GPBP1: variants seen among roughly 807,000 people sequenced by gnomAD.
GPBP1 encodes vasculin.
A neutral mutation model predicts 56.5 loss-of-function variants in GPBP1; 13 were observed. The observed-to-expected ratio is 0.23, with a 90% CI of 0.15 to 0.37. The LOEUF (loss-of-function observed/expected upper bound fraction) is 0.37. Ranked by LOEUF, GPBP1 falls within the 10% of genes least tolerant of loss-of-function variation. The pLI is 1.00. For missense variants in GPBP1, 477 were observed against 572.3 expected (o/e 0.83, Z 1.70); for synonymous variants, 204 against 188.9 (o/e 1.08, Z -0.66).
chr5:57,193,734 A>T (rs1402810960), intron 2 of GPBP1, among the ~76,000 whole-genome samples: 1 of 151,736 alleles, frequency 6.6e-6, no homozygotes, highest in Non-Finnish European at 1.5e-5. Flanking sequence ...TGTGCTTGGG[A>T]TGATTGGTCT....
intron 2 of GPBP1, among the ~76,000 whole-genome samples, chr5:57,204,526 A>G (rs1441763194): frequency 6.6e-6 from 1 of 152,206 alleles, no homozygotes; most frequent in Non-Finnish European, 1.5e-5. Flanking sequence ...TGCTGGGATT[A>G]TAGGCATGAG....
At chr5:57,179,269 G>A (rs1433484599) in intron 2 of GPBP1, among the ~76,000 whole-genome samples, 1 of 152,170 alleles carries the variant, frequency 6.6e-6, no homozygotes, top group Non-Finnish European at 1.5e-5. Context: ...TGCTAATGGA[G>A]TTTGGAAATA....
In GPBP1 at chr5:57,220,119, T is replaced by A. The variant is rs1235666934; in HGVS notation, c.63+5926T>A. Among the ~76,000 whole-genome samples, 3 of 151,962 alleles carry A rather than the reference T, an allele frequency of 2.0e-5. No individual in the cohort carries two copies. In the South Asian group the frequency reaches 6.2e-4, roughly 31 times the overall value. ...AAAAGCTTGTAAATACTTGTCTTCA[T>A]TTAAATGTTAACTTGAAGTTAAGAT... is the stretch of plus-strand genomic sequence containing the variant. On this transcript the variant is annotated intron_variant, in intron 3 of 11. Transcript: ENST00000506184.
intron 10 of GPBP1, among the ~76,000 whole-genome samples, chr5:57,254,973 G>A (rs1293158919): frequency 3.3e-5 from 5 of 152,194 alleles, no homozygotes; most frequent in Non-Finnish European, 7.3e-5. Flanking sequence ...ACAGGCTTGA[G>A]TGATGGCTGA....
chr5:57,247,428 T>G (rs1380444374), intron 8 of GPBP1, among the ~76,000 whole-genome samples: 1 of 152,128 alleles, frequency 6.6e-6, no homozygotes, highest in Non-Finnish European at 1.5e-5. Flanking sequence ...CCCAGCTCAT[T>G]CCTATAATCC....
Position 57,230,961 on chromosome 5 carries a change from C to T in GPBP1, c.179C>T (p.Pro60Leu). ...SDGFDSAIGR[P>L]NGGNFGRKEK... is the part of the protein sequence containing the mutation. ...GGCTTTGATTCTGCTATTGGGCGTC[C>T]TAATGGAGGTAAAATTTGCTAAGGA... The change falls in exon 4 of 12, where the codon CCT (proline) becomes CTT (leucine). Residue 60 changes from proline (P) to leucine (L), a missense_variant. This residue lies in a region of GPBP1 where 414 missense variants were observed against 458.2 expected (regional missense o/e 0.90). Coordinates refer to ENST00000506184, the MANE Select transcript of GPBP1 (RefSeq NM_022913.4). 6.2e-7 allele frequency: 1 copy of T among 1,601,908 alleles called. No homozygotes were observed. Among genetic ancestry groups the T allele is most frequent in the East Asian group, 2.2e-5 (1 of 44,672 alleles).
At chr5:57,240,616 T>G (rs1740781284) in intron 6 of GPBP1, among the ~76,000 whole-genome samples, 1 of 152,206 alleles carries the variant, frequency 6.6e-6, no homozygotes, top group Non-Finnish European at 1.5e-5. Flanking sequence ...TTGGGCACAT[T>G]GCTTAATCTG....
At chr5:57,233,645 A>G (rs1047416674) in intron 5 of GPBP1, among the ~76,000 whole-genome samples, 1 of 152,222 alleles carries the variant, frequency 6.6e-6, no homozygotes. Flanking sequence ...CTATTGATTA[A>G]GTGGAAGTGG....
chr5:57,211,990 G>A (rs1755507122), intron 2 of GPBP1, among the ~76,000 whole-genome samples: 1 of 151,784 alleles, frequency 6.6e-6, no homozygotes, highest in Non-Finnish European at 1.5e-5. Flanking sequence ...AGGCTAGAGG[G>A]CAGTGGCGCG....
chr5:57,233,344 C>G (rs910692874), intron 5 of GPBP1, among the ~76,000 whole-genome samples: 3 of 152,052 alleles, frequency 2.0e-5, no homozygotes, highest in African/African-American at 7.2e-5. Context: ...ACTCTGTATT[C>G]TCATGTTAGT....
At position 57,214,213 on chromosome 5, in the gene GPBP1, C is replaced by G. The variant is rs748799470; in HGVS notation, c.63+20C>G. On this transcript the variant is annotated intron_variant, in intron 3 of 11. Coordinates refer to ENST00000506184, the MANE Select transcript of GPBP1 (RefSeq NM_022913.4). ...ACAAAGGTACTCTTTCTGCATCTTTCTTTCTGTCTGCTTCTCTTGCATTCA... is the reference window on the plus strand; with the variant it reads ...ACAAAGGTACTCTTTCTGCATCTTTGTTTCTGTCTGCTTCTCTTGCATTCA... The G allele has an allele frequency of 1.3e-6, 2 of 1,564,926 alleles. No individual in the cohort carries two copies. Among genetic ancestry groups the G allele is most frequent in the South Asian group, 1.1e-5 (1 of 90,120 alleles).
At position 57,247,328 on chromosome 5, in the gene GPBP1, T is replaced by G. The variant is rs1213240761; in HGVS notation, c.804+113T>G. ...AATACATTAAAATGAGTTTCATTCC[T>G]TCAGAAAACTGGATTCATTTACTTC... On this transcript the variant is annotated intron_variant, in intron 8 of 11. Transcript: ENST00000506184. The G allele has an allele frequency of 5.8e-5, 50 of 869,008 alleles. 1 individual carries two copies. Among genetic ancestry groups the G allele is most frequent in the Non-Finnish European group, 8.1e-5 (49 of 604,306 alleles). The allele number at this position is 869,008 out of a possible 1,614,324, so 53.8% of individuals were successfully genotyped here. A position where few individuals can be genotyped will look rare whatever the true frequency, so the allele number is the denominator to read the frequency against.
chr5:57,258,710 G>T (rs747656654), intron 10 of GPBP1, among the ~76,000 whole-genome samples: 1 of 152,012 alleles, frequency 6.6e-6, no homozygotes, highest in Non-Finnish European at 1.5e-5. Flanking sequence ...TTAACTCCTG[G>T]GCTCAAGTGA....
rs1169485737 is a variant in GPBP1, at chr5:57,249,408, G to A, written c.805-1G>A. ...ATCAGTATTTCTGAATTTCCTCTTA[G>A]TGTAATCGCTCAAATTCCTCTTCTC... is the stretch of plus-strand genomic sequence containing the variant. On this transcript the variant is annotated splice_acceptor_variant, in intron 8 of 11. Transcript: ENST00000506184. LOFTEE classifies it high-confidence loss of function. The A allele has an allele frequency of 2.5e-6, 4 of 1,591,632 alleles. No individual in the cohort carries two copies. Among genetic ancestry groups the A allele is most frequent in the South Asian group, 1.2e-5 (1 of 86,870 alleles).
At chr5:57,197,630 A>G (rs1579993028) in intron 2 of GPBP1, among the ~76,000 whole-genome samples, 1 of 152,134 alleles carries the variant, frequency 6.6e-6, no homozygotes, top group East Asian at 1.9e-4. Context: ...AAGTGCTGGG[A>G]TTACAGGCGG....
At chr5:57,243,876 A>G (rs1469429858) in intron 6 of GPBP1, among the ~76,000 whole-genome samples, 2 of 151,672 alleles carry the variant, frequency 1.3e-5, no homozygotes, top group Non-Finnish European at 1.5e-5. Context: ...TTTTGTAGAG[A>G]CAAAGTTTCA....
chr5:57,184,649 T>C (rs1754206799), intron 2 of GPBP1, among the ~76,000 whole-genome samples: 1 of 152,186 alleles, frequency 6.6e-6, no homozygotes, highest in Non-Finnish European at 1.5e-5. Context: ...ACATTGGATA[T>C]CTCATGGGAC....
At chr5:57,212,089 A>G (rs1420644133) in intron 2 of GPBP1, among the ~76,000 whole-genome samples, 1 of 151,918 alleles carries the variant, frequency 6.6e-6, no homozygotes, top group South Asian at 2.1e-4. Flanking sequence ...GGTGCCCACC[A>G]CCGTGCCCTG....
At chr5:57,193,899 A>T (rs1754637410) in intron 2 of GPBP1, among the ~76,000 whole-genome samples, 1 of 152,208 alleles carries the variant, frequency 6.6e-6, no homozygotes, top group African/African-American at 2.4e-5. Flanking sequence ...AAGGTGTACC[A>T]CAAGAGGTTT....
Sources: gnomAD v4.1 joint callset for allele counts (sites outside exome capture counted in the v4.1 genomes callset) on GRCh38, gnomAD v4.1.1 for gene constraint, gnomAD v4.1.1 regional missense constraint, MANE v1.5 for transcripts, NCBI Gene and HGNC (gene_info 2026-07-23, HGNC 2026-07-21) for gene names.